Variants in ABLIM2 observed in about 807,000 individuals in gnomAD.
ABLIM2 encodes actin-binding LIM protein 2.
ABLIM2 carries 53 observed loss-of-function variants against 97.7 expected under a neutral mutation model. The ratio of observed to expected loss-of-function variants is 0.54; its 90% CI spans 0.44 to 0.68. ABLIM2 has a LOEUF of 0.68. Ranked by LOEUF, ABLIM2 falls within the 30% of genes least tolerant of loss-of-function variation. The pLI, the probability that ABLIM2 is intolerant of heterozygous loss-of-function variation, is 0.00. For synonymous variants in ABLIM2, 361 were observed against 345.8 expected (o/e 1.04, Z -0.49); for missense variants, 835 against 867.2 (o/e 0.96, Z 0.47).
rs1208259965 is a variant in ABLIM2, at chr4:8,155,618, G to T, written c.10+3062C>A. ...TCATATGCTGAAGTCCTAACCCCCA[G>T]TACTCCAGGATGTGACTATGCATGG... On this transcript the variant is annotated intron_variant, in intron 1 of 20. Coordinates refer to ENST00000447017, the MANE Select transcript of ABLIM2 (RefSeq NM_001130083.2). The surrounding 1 kb of genome is among the most constrained non-coding windows in gnomAD (Gnocchi z 4.2). 6.6e-6 allele frequency among the ~76,000 whole-genome samples: 1 copy of T among 152,202 alleles called. No individual in the cohort carries two copies. Among genetic ancestry groups the T allele is most frequent in the Admixed American group, 6.5e-5 (1 of 15,282 alleles).
chr4:8,029,835 C>G, intron 10 of ABLIM2, 59 bp from the exon 11 acceptor site: 1 of 1,530,820 alleles, frequency 6.5e-7, no homozygotes, highest in Non-Finnish European at 8.8e-7. Context: ...CACCCCTTGT[C>G]CACCCATCCC....
intron 3 of ABLIM2, among the ~76,000 whole-genome samples, chr4:8,091,964 T>G (rs986398385): frequency 7.4e-6 from 1 of 134,420 alleles, no homozygotes; most frequent in Non-Finnish European, 1.5e-5. Flanking sequence ...TAATATAGAA[T>G]ACATATTTTT....
Position 8,080,735 on chromosome 4 carries a change from G to A in ABLIM2, c.522C>T (p.His174=). Residue 174 remains histidine (H), a synonymous_variant, in exon 5 of 21, where the codon CAC becomes CAT. Transcript: ENST00000447017. The part of the protein sequence containing the change: ...QALVALDKHW[H]LGCFKCKSCG... ...AGCTCTTGCACTTAAAACAGCCCAAGTGCCAGTGCTTGTCCAAGGCTACCA... is the reference window on the plus strand; with the variant it reads ...AGCTCTTGCACTTAAAACAGCCCAAATGCCAGTGCTTGTCCAAGGCTACCA... The A allele has an allele frequency of 6.2e-7, 1 of 1,613,038 alleles. No homozygotes were observed. Among genetic ancestry groups the A allele is most frequent in the East Asian group, 2.2e-5 (1 of 44,856 alleles).
At chr4:8,008,961 G>C in intron 15 of ABLIM2, 89 bp downstream of exon 15, 1 of 1,470,672 alleles carries the variant, frequency 6.8e-7, no homozygotes, top group Non-Finnish European at 9.5e-7. Context: ...GTAAGAGGAA[G>C]ATTCGAAGTC....
chr4:7,973,462 C>T (rs964614560), intron 20 of ABLIM2, among the ~76,000 whole-genome samples: 1 of 150,580 alleles, frequency 6.6e-6, no homozygotes, highest in African/African-American at 2.4e-5. Context: ...GATTGTGCCA[C>T]TGCACTCCAG....
chr4:8,147,647 C>G lies in ABLIM2; in HGVS notation c.10+11033G>C, dbSNP rs80041863. Among the ~76,000 whole-genome samples the G allele has an allele frequency of 0.023, 3,509 of 152,248 alleles. 65 individuals are homozygous for G. The highest frequency in any genetic ancestry group is 0.041 in the Middle Eastern group (12 of 294). On this transcript the variant is annotated intron_variant, in intron 1 of 20. Coordinates refer to ENST00000447017, the MANE Select transcript of ABLIM2 (RefSeq NM_001130083.2). This position sits in a 1 kb window ranked among gnomAD's most constrained non-coding sequence, Gnocchi z 5.3. Reference sequence around the variant, plus strand: ...TGCCTTGAAGATTGGAGCAACGTGGCCACAAACCTCAGAATCTGGCAGCCA... The same window carrying G: ...TGCCTTGAAGATTGGAGCAACGTGGGCACAAACCTCAGAATCTGGCAGCCA...
Position 8,097,350 on chromosome 4 carries a change from G to A in ABLIM2, c.155-68C>T, listed in dbSNP as rs940124851. ...CATCTCCACGTCCCCCAGGCCCGAG[G>A]TGCACCCCCCTCCACACACACACCA... is the stretch of plus-strand genomic sequence containing the variant. On this transcript the variant is annotated intron_variant, in intron 2 of 20. Coordinates refer to ENST00000447017, the MANE Select transcript of ABLIM2 (RefSeq NM_001130083.2). 3.1e-5 allele frequency: 47 copies of A among 1,524,720 alleles called. No homozygotes were observed. In the South Asian group the frequency reaches 5.3e-4, roughly 17 times the overall value. 94.4% of individuals were successfully genotyped at this position (1,524,720 alleles called of 1,614,324 possible).
intron 1 of ABLIM2, among the ~76,000 whole-genome samples, chr4:8,126,120 CT>C (rs1265641760): frequency 6.6e-6 from 1 of 152,206 alleles, no homozygotes; most frequent in Non-Finnish European, 1.5e-5. Context: ...GGGCTGCTCC[CT>C]TCAGTAACAT....
At chr4:8,092,374 A>G (rs951475634) in intron 3 of ABLIM2, among the ~76,000 whole-genome samples, 4 of 152,210 alleles carry the variant, frequency 2.6e-5, no homozygotes, top group Non-Finnish European at 5.9e-5. Flanking sequence ...CCAAAGGGAA[A>G]GTTAAGCTGG....
intron 8 of ABLIM2, among the ~76,000 whole-genome samples, chr4:8,047,167 G>A (rs1793033301): frequency 6.6e-6 from 1 of 152,206 alleles, no homozygotes; most frequent in Non-Finnish European, 1.5e-5. Context: ...GCGGCATGTG[G>A]GTGGCGCCTG....
Position 8,069,374 on chromosome 4 carries a change from C to T in ABLIM2, c.675+8254G>A, listed in dbSNP as rs929889447. ...AGAATCCCGCCTGTGGATGTTCACACGCACTGCAGCGTGTCCAGGCTCGGA... is the reference window on the plus strand; with the variant it reads ...AGAATCCCGCCTGTGGATGTTCACATGCACTGCAGCGTGTCCAGGCTCGGA... On this transcript the variant is annotated intron_variant, in intron 6 of 20. Transcript: ENST00000447017. This position sits in a 1 kb window ranked among gnomAD's most constrained non-coding sequence, Gnocchi z 4.2. Among the ~76,000 whole-genome samples the T allele has an allele frequency of 8.5e-5, 13 of 152,362 alleles. No individual in the cohort carries two copies. The highest frequency in any genetic ancestry group is 2.1e-4 in the South Asian group (1 of 4,828).
At chr4:8,097,971 A>C (rs1832591025) in intron 2 of ABLIM2, among the ~76,000 whole-genome samples, 1 of 152,174 alleles carries the variant, frequency 6.6e-6, no homozygotes, top group South Asian at 2.1e-4. Context: ...CTGGAGCTCC[A>C]TGGAGGGCTG....
At chr4:8,026,165 C>A (rs1777212878) in intron 12 of ABLIM2, among the ~76,000 whole-genome samples, 2 of 152,184 alleles carry the variant, frequency 1.3e-5, no homozygotes, top group Non-Finnish European at 2.9e-5. Flanking sequence ...CACCACCATG[C>A]CCGGCGTTTT....
intron 11 of ABLIM2, among the ~76,000 whole-genome samples, chr4:8,029,036 G>C (rs1560749599): frequency 1.3e-5 from 2 of 152,130 alleles, no homozygotes; most frequent in African/African-American, 4.8e-5. Flanking sequence ...GGGGGTCGAG[G>C]AGTTTCACAG....
chr4:7,999,298 T>A lies in ABLIM2; in HGVS notation c.1619-6371A>T, dbSNP rs1170447268. Among the ~76,000 whole-genome samples the A allele has an allele frequency of 6.6e-6, 1 of 152,170 alleles. No homozygotes were observed. The highest frequency in any genetic ancestry group is 1.5e-5 in the Non-Finnish European group (1 of 68,034). On this transcript the variant is annotated intron_variant, in intron 16 of 20. Coordinates refer to ENST00000447017, the MANE Select transcript of ABLIM2 (RefSeq NM_001130083.2). This position sits in a 1 kb window ranked among gnomAD's most constrained non-coding sequence, Gnocchi z 4.4. The stretch of plus-strand genomic sequence containing the variant: ...ATCTCGAACTCCCGACCTCAGGTGA[T>A]CTGCCTGCCTCGGCCTCCAAAAATG...
chr4:7,998,618 T>C lies in ABLIM2; in HGVS notation c.1619-5691A>G. 1 of 502,484 alleles carries C rather than the reference T, an allele frequency of 2.0e-6. No homozygotes were observed. Among genetic ancestry groups the C allele is most frequent in the Non-Finnish European group, 4.0e-6 (1 of 252,202 alleles). The allele number at this position is 502,484 out of a possible 1,614,324, so 31.1% of individuals were successfully genotyped here. ...GGGGTGCCTGCTGGCCACCTGCCCA[T>C]CTGCTAGTGTGGCTGCAGGAGGAAA... On this transcript the variant is annotated intron_variant, in intron 16 of 20. Coordinates refer to ENST00000447017, the MANE Select transcript of ABLIM2 (RefSeq NM_001130083.2). The surrounding 1 kb of genome is among the most constrained non-coding windows in gnomAD (Gnocchi z 6.4).
intron 16 of ABLIM2, among the ~76,000 whole-genome samples, chr4:8,000,647 C>T (rs1756500833): frequency 6.6e-6 from 1 of 152,092 alleles, no homozygotes; most frequent in Non-Finnish European, 1.5e-5. Context: ...TTCATGTCCC[C>T]CACCCCACAG....
At chr4:8,126,637 C>T (rs980140888) in intron 1 of ABLIM2, among the ~76,000 whole-genome samples, 1 of 152,124 alleles carries the variant, frequency 6.6e-6, no homozygotes, top group Non-Finnish European at 1.5e-5. Flanking sequence ...GGCATTCATG[C>T]TGTCCCCCGA....
intron 16 of ABLIM2, among the ~76,000 whole-genome samples, chr4:8,000,623 T>C (rs918236121): frequency 5.3e-5 from 8 of 152,196 alleles, no homozygotes; most frequent in African/African-American, 1.9e-4. Context: ...GGCTTTGTAT[T>C]CTGGGTAGCC....
Sources: allele counts gnomAD v4.1 joint callset (sites outside exome capture counted in the v4.1 genomes callset), GRCh38; gene constraint gnomAD v4.1.1; non-coding constraint Gnocchi (gnomAD v3.1); transcripts MANE v1.5; gene names NCBI Gene and HGNC (gene_info 2026-07-23, HGNC 2026-07-21).